The following ADAMTS12 variants were observed in gnomAD, a reference collection of about 807,000 sequenced individuals.
The protein encoded by ADAMTS12 is A disintegrin and metalloproteinase with thrombospondin motifs 12.
ADAMTS12 carries 118 observed loss-of-function variants against 167.8 expected under a neutral mutation model. That is an observed-to-expected ratio of 0.70 (90% CI 0.61 to 0.82). ADAMTS12 has a LOEUF of 0.82. Ranked by LOEUF, ADAMTS12 falls within the 40% of genes least tolerant of loss-of-function variation. The pLI is 0.00. For synonymous variants in ADAMTS12, 704 were observed against 716.9 expected, an observed-to-expected ratio of 0.98 and a Z score of 0.29; for missense variants, 1,916 against 1,998.8, an observed-to-expected ratio of 0.96 and a Z score of 0.79.
At chr5:33,888,582 T>G (rs894582139) in intron 1 of ADAMTS12, among the ~76,000 whole-genome samples, 3 of 152,228 alleles carry the variant, frequency 2.0e-5, no homozygotes, top group Admixed American at 2.0e-4. Flanking sequence ...CTGAAAACAC[T>G]GCAACATTCC....
chr5:33,552,878 C>T (rs778930068), intron 20 of ADAMTS12, among the ~76,000 whole-genome samples: 6 of 152,124 alleles, frequency 3.9e-5, no homozygotes, highest in Non-Finnish European at 8.8e-5. Context: ...AACTAAAGAG[C>T]TCCTGTACAG....
At chr5:33,557,894 G>T (rs256637) in intron 20 of ADAMTS12, among the ~76,000 whole-genome samples, 2 of 151,756 alleles carry the variant, frequency 1.3e-5, no homozygotes, top group Non-Finnish European at 2.9e-5. Context: ...TTCTCATAGG[G>T]ATGCAAAGCC....
At chr5:33,823,874 G>A (rs1747958799) in intron 2 of ADAMTS12, among the ~76,000 whole-genome samples, 1 of 152,088 alleles carries the variant, frequency 6.6e-6, no homozygotes, top group South Asian at 2.1e-4. Flanking sequence ...AGGGTGAATT[G>A]GGGCAGAGAA....
chr5:33,790,916 C>T (rs556746544), intron 2 of ADAMTS12, among the ~76,000 whole-genome samples: 2 of 152,066 alleles, frequency 1.3e-5, no homozygotes, highest in African/African-American at 4.8e-5. Context: ...TTGCATCCCA[C>T]AGGAGAAACC....
chr5:33,720,901 A>G (rs1388380173), intron 3 of ADAMTS12, among the ~76,000 whole-genome samples: 1 of 152,230 alleles, frequency 6.6e-6, no homozygotes, highest in Non-Finnish European at 1.5e-5. Context: ...AAAAGCATGT[A>G]CACATTTTTA....
At chr5:33,838,915 C>T (rs190614044) in intron 2 of ADAMTS12, among the ~76,000 whole-genome samples, 111 of 152,226 alleles carry the variant, frequency 7.3e-4, no homozygotes, top group Middle Eastern at 3.4e-3. Context: ...GAAACAATAA[C>T]ATGGTTTTAT....
At chr5:33,796,136 T>C (rs1386136445) in intron 2 of ADAMTS12, among the ~76,000 whole-genome samples, 2 of 152,216 alleles carry the variant, frequency 1.3e-5, no homozygotes, top group African/African-American at 2.4e-5. Flanking sequence ...GTACTGTGGA[T>C]ATGCTGCAGA....
Position 33,616,066 on chromosome 5 carries a change from A to G in ADAMTS12, c.2150T>C (p.Val717Ala). The change falls in exon 15 of 24, where the codon GTT becomes GCT. Residue 717 changes from valine (V) to alanine (A), a missense_variant. Physicochemically the swap from Val to Ala is moderately conservative, Grantham distance 64. Transcript: ENST00000504830. ...MFKQKEGSGY[V>A]DIGLIPKGAR... ...TCCTTTTGGAATGAGCCCAATGTCAACATAACCTAAAGAGAGAAGACACAA... is the reference window on the plus strand; with the variant it reads ...TCCTTTTGGAATGAGCCCAATGTCAGCATAACCTAAAGAGAGAAGACACAA... 6.2e-7 allele frequency: 1 copy of G among 1,613,918 alleles called. No individual in the cohort carries two copies. Among genetic ancestry groups the G allele is most frequent in the Non-Finnish European group, 8.5e-7 (1 of 1,179,968 alleles).
In ADAMTS12 at chr5:33,535,573, T is replaced by G. The variant is rs538742125; in HGVS notation, c.4447-581A>C. On this transcript the variant is annotated intron_variant, in intron 22 of 23. Coordinates refer to ENST00000504830, the MANE Select transcript of ADAMTS12 (RefSeq NM_030955.4). The stretch of plus-strand genomic sequence containing the variant: ...AGAGGAACGGGAATGAGGGAGGCAT[T>G]GCCCATGGGGTTCACACCCTTGGTT... Among the ~76,000 whole-genome samples, 22 of 152,312 alleles carry G rather than the reference T, an allele frequency of 1.4e-4. No individual in the cohort carries two copies. In the South Asian group the frequency reaches 3.9e-3, roughly 27 times the overall value.
At chr5:33,689,922 G>A (rs767769638) in intron 3 of ADAMTS12, among the ~76,000 whole-genome samples, 2 of 152,240 alleles carry the variant, frequency 1.3e-5, no homozygotes, top group Non-Finnish European at 2.9e-5. Flanking sequence ...TGTGGTGGGT[G>A]GCCCCAAAGG....
At chr5:33,722,387 T>C (rs1743837702) in intron 3 of ADAMTS12, among the ~76,000 whole-genome samples, 1 of 152,204 alleles carries the variant, frequency 6.6e-6, no homozygotes, top group African/African-American at 2.4e-5. Flanking sequence ...GTTCTAAGTG[T>C]TTTTACGTTA....
At position 33,751,426 on chromosome 5, in the gene ADAMTS12, C is replaced by T. The variant is rs148148048; in HGVS notation, c.612G>A (p.Lys204=). ...TACCCTTTAATCCACAGGTTGGCTC[C>T]TTGGTTTCTGGAACTTTCTGCCTCC... The part of the protein sequence containing the change: ...VYRRQKVPET[K]EPTCGLKDSV... Residue 204 remains lysine, a synonymous_variant, in exon 3 of 24, where the codon AAG becomes AAA. Coordinates refer to ENST00000504830, the MANE Select transcript of ADAMTS12 (RefSeq NM_030955.4). 9.2e-5 allele frequency: 149 copies of T among 1,614,052 alleles called. 1 individual carries two copies. The African/African-American group carries it at 1.5e-3, about 17-fold the overall frequency.
intron 7 of ADAMTS12, among the ~76,000 whole-genome samples, chr5:33,656,990 G>A (rs1741084514): frequency 1.3e-5 from 2 of 152,096 alleles, no homozygotes; most frequent in South Asian, 4.1e-4. Flanking sequence ...TTTTTGGTGA[G>A]AATCCAATAA....
At chr5:33,583,862 C>T (rs1747202448) in intron 18 of ADAMTS12, among the ~76,000 whole-genome samples, 1 of 152,108 alleles carries the variant, frequency 6.6e-6, no homozygotes, top group African/African-American at 2.4e-5. Flanking sequence ...AAGTTATTCA[C>T]TGAGGGTAAC....
chr5:33,661,869 C>T, intron 6 of ADAMTS12, 47 bp downstream of exon 6: 1 of 1,609,262 alleles, frequency 6.2e-7, no homozygotes, highest in Non-Finnish European at 8.5e-7. Context: ...CACCTGCCAT[C>T]CCTCCCTGCT....
At chr5:33,703,449 A>T (rs1024706033) in intron 3 of ADAMTS12, among the ~76,000 whole-genome samples, 1 of 152,204 alleles carries the variant, frequency 6.6e-6, no homozygotes, top group East Asian at 1.9e-4. Context: ...ATGTTTAAGT[A>T]TATAATAGAG....
At chr5:33,875,280 A>G (rs1277505880) in intron 2 of ADAMTS12, among the ~76,000 whole-genome samples, 1 of 152,222 alleles carries the variant, frequency 6.6e-6, no homozygotes, top group Non-Finnish European at 1.5e-5. Flanking sequence ...GTCCAAACCT[A>G]TAGAATGTAC....
At position 33,591,289 on chromosome 5, in the gene ADAMTS12, C is replaced by T. The variant is rs531800524; in HGVS notation, c.2655-2480G>A. 6.0e-4 allele frequency among the ~76,000 whole-genome samples: 92 copies of T among 152,208 alleles called. 1 individual carries two copies. The highest frequency in any genetic ancestry group is 5.6e-4 in the Non-Finnish European group (38 of 68,012). On this transcript the variant is annotated intron_variant, in intron 17 of 23. Coordinates refer to ENST00000504830, the MANE Select transcript of ADAMTS12 (RefSeq NM_030955.4). ...CTTTTATCAGTAGCTTCTACTGATT[C>T]CCCTATCAGTATATGTTCCAACAGC...
chr5:33,654,875 TG>T (rs1722469127), intron 7 of ADAMTS12, among the ~76,000 whole-genome samples: 9 of 6,062 alleles, frequency 1.5e-3, no homozygotes, highest in Admixed American at 9.8e-3. Context: ...TGGGTGATTT[TG>T]TGTGTGTGTG....
Sources: gnomAD v4.1 joint callset for allele counts (sites outside exome capture counted in the v4.1 genomes callset) on GRCh38, gnomAD v4.1.1 for gene constraint, MANE v1.5 for transcripts, NCBI Gene and HGNC (gene_info 2026-07-23, HGNC 2026-07-21) for gene names.